Variants in ASB3 observed in about 807,000 individuals in gnomAD.
ASB3 encodes the protein ankyrin repeat and SOCS box protein 3.
In ASB3, 41 loss-of-function variants were observed where a neutral mutation model predicts 54.5. The ratio of observed to expected loss-of-function variants is 0.75; its 90% confidence interval spans 0.59 to 0.98. The LOEUF (loss-of-function observed/expected upper bound fraction) is 0.98. Ranked by LOEUF, ASB3 falls within the 50% of genes least tolerant of loss-of-function variation. ASB3 has a pLI of 0.00. For missense variants in ASB3, 733 were observed against 620.0 expected (o/e 1.18, Z -1.94); for synonymous variants, 266 against 221.2 (o/e 1.20, Z -1.80).
intron 9 of ASB3, among the ~76,000 whole-genome samples, chr2:53,677,636 A>G (rs890238502): frequency 1.5e-4 from 23 of 152,292 alleles, no homozygotes; most frequent in Admixed American, 3.9e-4. Flanking sequence ...AGTTTCCCCA[A>G]TGGTCTGTGA....
chr2:53,772,011 T>A, intron 1 of ASB3: 1 of 893,252 alleles, frequency 1.1e-6, no homozygotes, highest in Non-Finnish European at 1.7e-6. Context: ...CTGTTTCAAT[T>A]TGATTAACAA....
chr2:53,733,816 T>A (rs890791599), intron 3 of ASB3, among the ~76,000 whole-genome samples: 1 of 152,190 alleles, frequency 6.6e-6, no homozygotes, highest in African/African-American at 2.4e-5. Context: ...ATCAGGGGTC[T>A]CACAGCCTTT....
rs1671183802 is a variant in ASB3, at chr2:53,729,498, G to T, written c.428C>A (p.Ser143Tyr). ...GTGCAAGGAGTTCCATCCACACATA[G>T]AATGGGATCCATTAACATTTGCTCC... ...QHGANVNGSH[S>Y]MCGWNSLHQA... The change falls in exon 4 of 10, where the codon TCT becomes TAT. Residue 143 changes from serine (S) to tyrosine (Y), a missense_variant. Ser to Tyr is a moderately radical substitution (Grantham distance 144). Transcript: ENST00000263634. 6.2e-7 allele frequency: 1 copy of T among 1,613,924 alleles called. No individual in the cohort carries two copies. The highest frequency in any genetic ancestry group is 8.5e-7 in the Non-Finnish European group (1 of 1,179,840).
intron 2 of ASB3, among the ~76,000 whole-genome samples, chr2:53,762,534 A>C (rs1673202494): frequency 6.6e-6 from 1 of 152,222 alleles, no homozygotes; most frequent in African/African-American, 2.4e-5. Flanking sequence ...TGAACTAATA[A>C]AAAATACTAT....
At chr2:53,731,307 C>G (rs758093771) in intron 3 of ASB3, among the ~76,000 whole-genome samples, 2 of 152,158 alleles carry the variant, frequency 1.3e-5, no homozygotes, top group African/African-American at 4.8e-5. Flanking sequence ...GAGGCTGAGG[C>G]AGGAGAATCG....
At chr2:53,743,827 C>G (rs1572951931) in intron 3 of ASB3, among the ~76,000 whole-genome samples, 2 of 151,802 alleles carry the variant, frequency 1.3e-5, no homozygotes, top group South Asian at 4.2e-4. Flanking sequence ...CGGATCACTT[C>G]AGGTCAGGAT....
At chr2:53,779,361 C>G in intron 1 of ASB3, among the ~76,000 whole-genome samples, 1 of 152,184 alleles carries the variant, frequency 6.6e-6, no homozygotes, top group African/African-American at 2.4e-5. Context: ...TAATCAGAAA[C>G]CAACAACTAT....
At chr2:53,735,121 T>C (rs1671548760) in intron 3 of ASB3, among the ~76,000 whole-genome samples, 1 of 152,112 alleles carries the variant, frequency 6.6e-6, no homozygotes, top group Non-Finnish European at 1.5e-5. Context: ...TGTTTCACCA[T>C]GTTAGTTAGG....
At chr2:53,714,770 C>T (rs1229482581) in intron 6 of ASB3, among the ~76,000 whole-genome samples, 189 bp from the exon 7 acceptor site, 1 of 152,086 alleles carries the variant, frequency 6.6e-6, no homozygotes, top group South Asian at 2.1e-4. Context: ...GAATGTTACA[C>T]TTATTATTGC....
chr2:53,690,332 G>A (rs1467898987), intron 9 of ASB3, among the ~76,000 whole-genome samples: 1 of 152,058 alleles, frequency 6.6e-6, no homozygotes, highest in East Asian at 1.9e-4. Context: ...AGGCACACAG[G>A]CCATCCATTT....
chr2:53,672,304 A>G (rs934566806), intron 9 of ASB3, among the ~76,000 whole-genome samples: 1 of 152,192 alleles, frequency 6.6e-6, no homozygotes, highest in Non-Finnish European at 1.5e-5. Flanking sequence ...TATAGCACGC[A>G]CATTTATTTC....
intron 7 of ASB3, among the ~76,000 whole-genome samples, chr2:53,704,421 T>C (rs1418983819): frequency 6.6e-6 from 1 of 152,036 alleles, no homozygotes; most frequent in Non-Finnish European, 1.5e-5. Flanking sequence ...TAAGATTATA[T>C]TCAATTGTCC....
chr2:53,686,047 T>C (rs772285224), intron 9 of ASB3, among the ~76,000 whole-genome samples: 2 of 152,166 alleles, frequency 1.3e-5, no homozygotes, highest in Non-Finnish European at 2.9e-5. Flanking sequence ...GTGCTACCTT[T>C]ACAATAGCCT....
chr2:53,744,397 A>T (rs929490468), intron 3 of ASB3, among the ~76,000 whole-genome samples: 2 of 151,656 alleles, frequency 1.3e-5, no homozygotes, highest in Non-Finnish European at 2.9e-5. Context: ...AAAAATAAAT[A>T]AAAAAATTAA....
chr2:53,774,092 T>G (rs1396969715), intron 1 of ASB3: 54 of 1,506,644 alleles, frequency 3.6e-5, no homozygotes, highest in African/African-American at 5.6e-5. Flanking sequence ...TTTCTTCACC[T>G]ATTTTAATTA....
intron 1 of ASB3, among the ~76,000 whole-genome samples, chr2:53,773,665 G>A (rs1674109212): frequency 1.3e-5 from 2 of 151,638 alleles, no homozygotes; most frequent in African/African-American, 2.4e-5. Flanking sequence ...TCCTGACCTC[G>A]TGATCCACTC....
chr2:53,703,175 C>T (rs1400679749), intron 7 of ASB3, among the ~76,000 whole-genome samples: 1 of 152,216 alleles, frequency 6.6e-6, no homozygotes, highest in Admixed American at 6.5e-5. Context: ...CTTCCTTTCC[C>T]ATTCCATTTG....
chr2:53,747,073 T>C (rs528726181), intron 3 of ASB3, among the ~76,000 whole-genome samples: 116 of 152,260 alleles, frequency 7.6e-4, no homozygotes, highest in Middle Eastern at 3.4e-3. Context: ...CTAAAAACTA[T>C]GCATCTCTAA....
intron 9 of ASB3, among the ~76,000 whole-genome samples, chr2:53,688,164 G>C (rs555565562): frequency 6.6e-6 from 1 of 152,342 alleles, no homozygotes; most frequent in Admixed American, 6.5e-5. Context: ...CTCTGGGATA[G>C]GATCTGGTTG....
Sources: allele counts gnomAD v4.1 joint callset (sites outside exome capture counted in the v4.1 genomes callset), GRCh38; gene constraint gnomAD v4.1.1; transcripts MANE v1.5; gene names NCBI Gene and HGNC (gene_info 2026-07-23, HGNC 2026-07-21).